The following ST8SIA1 variants were observed in gnomAD, a reference collection of about 807,000 sequenced individuals.
ST8SIA1 encodes the protein ST8 alpha-N-acetyl-neuraminide alpha-2,8-sialyltransferase 1.
ST8SIA1 carries 16 observed loss-of-function variants against 35.9 expected under a neutral mutation model. The ratio of observed to expected loss-of-function variants is 0.45; its 90% CI spans 0.30 to 0.68. ST8SIA1 has a LOEUF of 0.68. ST8SIA1 is among the 30% of genes least tolerant of loss of function. ST8SIA1 has a pLI of 0.09. For missense variants in ST8SIA1, 383 were observed against 453.6 expected, an observed-to-expected ratio of 0.84 and a Z score of 1.41; for synonymous variants, 170 against 169.6, an observed-to-expected ratio of 1.00 and a Z score of -0.02.
At chr12:22,218,435 T>C (rs1865258690) in intron 4 of ST8SIA1, among the ~76,000 whole-genome samples, 1 of 151,702 alleles carries the variant, frequency 6.6e-6, no homozygotes, top group Non-Finnish European at 1.5e-5. Flanking sequence ...CTGACCAACA[T>C]GGCAAAACCC....
At chr12:22,259,526 C>A (rs112693104) in intron 2 of ST8SIA1, among the ~76,000 whole-genome samples, 5,302 of 151,710 alleles carry the variant, frequency 0.035, 169 homozygotes, top group Admixed American at 0.081. Flanking sequence ...AATGCAGTGG[C>A]GCGATCTGGG....
chr12:22,326,487 T>A (rs754294587), intron 1 of ST8SIA1: 1 of 152,264 alleles, frequency 6.6e-6, no homozygotes, highest in Non-Finnish European at 1.5e-5. Flanking sequence ...ATCCAGCAAC[T>A]AATCCTCTCA....
At chr12:22,222,651 C>A (rs374360825) in intron 4 of ST8SIA1, among the ~76,000 whole-genome samples, 1 of 151,590 alleles carries the variant, frequency 6.6e-6, no homozygotes, top group Admixed American at 6.6e-5. Flanking sequence ...TATACATATA[C>A]TTATATACAC....
chr12:22,299,178 T>C (rs1866285966), intron 1 of ST8SIA1, among the ~76,000 whole-genome samples: 1 of 152,106 alleles, frequency 6.6e-6, no homozygotes, highest in African/African-American at 2.4e-5. Flanking sequence ...TATTTGGGTA[T>C]TTTCCAATAA....
intron 1 of ST8SIA1, among the ~76,000 whole-genome samples, chr12:22,331,394 T>C (rs1866762511): frequency 6.6e-6 from 1 of 152,218 alleles, no homozygotes; most frequent in Non-Finnish European, 1.5e-5. Flanking sequence ...ATTGCAAATG[T>C]TTGTATTTAT....
chr12:22,238,925 CTG>C (rs910020509), intron 4 of ST8SIA1, among the ~76,000 whole-genome samples: 2 of 152,042 alleles, frequency 1.3e-5, no homozygotes, highest in Non-Finnish European at 2.9e-5. Flanking sequence ...GGTAAAAAAT[CTG>C]TGTCTGTTTT....
chr12:22,318,257 T>C (rs1866543696), intron 1 of ST8SIA1, among the ~76,000 whole-genome samples: 1 of 152,202 alleles, frequency 6.6e-6, no homozygotes, highest in Admixed American at 6.5e-5. Context: ...GAAAGGAAAG[T>C]CCATGGAGAT....
intron 4 of ST8SIA1, among the ~76,000 whole-genome samples, chr12:22,221,745 G>A (rs1865302654): frequency 6.6e-6 from 1 of 152,206 alleles, no homozygotes; most frequent in Admixed American, 6.6e-5. Flanking sequence ...TGTGATTCAA[G>A]TGTTAGTGGA....
At chr12:22,328,424 G>C (rs1017309341) in intron 1 of ST8SIA1, among the ~76,000 whole-genome samples, 1 of 152,142 alleles carries the variant, frequency 6.6e-6, no homozygotes, top group Non-Finnish European at 1.5e-5. Context: ...TAGCAGGGAA[G>C]GCAGGCAAGT....
chr12:22,264,053 T>C (rs137891578), intron 2 of ST8SIA1, among the ~76,000 whole-genome samples: 251 of 152,224 alleles, frequency 1.6e-3, no homozygotes, highest in Middle Eastern at 6.8e-3. Context: ...CACCCACGTA[T>C]CCTCCTGGAC....
intron 4 of ST8SIA1, among the ~76,000 whole-genome samples, chr12:22,227,713 AAGGTAT>A (rs1357900185): frequency 6.6e-6 from 1 of 152,218 alleles, no homozygotes; most frequent in Non-Finnish European, 1.5e-5. Flanking sequence ...TTGTTTCAAA[AAGGTAT>A]ATATGGTATC....
chr12:22,200,997 A>G lies in ST8SIA1; in HGVS notation c.*555T>C, dbSNP rs1865043040. 1.3e-5 allele frequency: 2 copies of G among 152,178 alleles called. No individual in the cohort carries two copies. Among genetic ancestry groups the G allele is most frequent in the Non-Finnish European group, 2.9e-5 (2 of 68,044 alleles). The allele number at this position is 152,178 out of a possible 1,614,324, so 9.4% of individuals were successfully genotyped here. On this transcript the variant is annotated 3_prime_UTR_variant, in exon 5 of 5. Coordinates refer to ENST00000396037, the MANE Select transcript of ST8SIA1 (RefSeq NM_003034.4). ...ATATAGACGTGGCTCAACAAATCACAATTATCAGCAGTAACATTTTGTATC... is the reference window on the plus strand; with the variant it reads ...ATATAGACGTGGCTCAACAAATCACGATTATCAGCAGTAACATTTTGTATC...
intron 1 of ST8SIA1, among the ~76,000 whole-genome samples, chr12:22,311,703 T>C (rs939924848): frequency 1.3e-5 from 2 of 152,144 alleles, no homozygotes; most frequent in African/African-American, 4.8e-5. Context: ...TATTTGGCAA[T>C]TCTCTAGCCC....
chr12:22,237,952 C>T (rs1218438034), intron 4 of ST8SIA1, among the ~76,000 whole-genome samples: 1 of 151,970 alleles, frequency 6.6e-6, no homozygotes, highest in Non-Finnish European at 1.5e-5. Context: ...TGTTGCTGTT[C>T]CTCTTTCAAC....
intron 2 of ST8SIA1, among the ~76,000 whole-genome samples, chr12:22,262,200 A>T (rs978564785): frequency 2.0e-5 from 3 of 152,214 alleles, no homozygotes; most frequent in Non-Finnish European, 2.9e-5. Flanking sequence ...CCAGCTGCAA[A>T]CATATTCCTA....
chr12:22,329,544 C>A (rs1866731613), intron 1 of ST8SIA1, among the ~76,000 whole-genome samples: 1 of 152,036 alleles, frequency 6.6e-6, no homozygotes, highest in Non-Finnish European at 1.5e-5. Context: ...CCCAAACTAC[C>A]TTTTCAAAGT....
chr12:22,222,047 A>G (rs1156396105), intron 4 of ST8SIA1, among the ~76,000 whole-genome samples: 2 of 152,208 alleles, frequency 1.3e-5, no homozygotes, highest in African/African-American at 4.8e-5. Flanking sequence ...TATAATTGCA[A>G]TGTATTAGGA....
intron 1 of ST8SIA1, among the ~76,000 whole-genome samples, chr12:22,294,539 C>CA (rs1348589967): frequency 9.2e-5 from 14 of 152,160 alleles, no homozygotes; most frequent in Middle Eastern, 3.2e-3. Flanking sequence ...GCCAGAACTA[C>CA]AAACACAGAG....
intron 2 of ST8SIA1, among the ~76,000 whole-genome samples, chr12:22,257,852 G>T (rs753463060): frequency 7.2e-5 from 11 of 152,014 alleles, no homozygotes; most frequent in Non-Finnish European, 1.0e-4. Flanking sequence ...AGTCAATGTT[G>T]GGTGTGCAAA....
Sources: allele counts gnomAD v4.1 joint callset (sites outside exome capture counted in the v4.1 genomes callset), GRCh38; gene constraint gnomAD v4.1.1; transcripts MANE v1.5; gene names NCBI Gene and HGNC (gene_info 2026-07-23, HGNC 2026-07-21).